Variants in MACROD2 observed in about 807,000 individuals in gnomAD.
MACROD2 encodes the protein ADP-ribose glycohydrolase MACROD2.
In MACROD2, 36 loss-of-function variants were observed where a neutral mutation model predicts 70.4. The ratio of observed to expected loss-of-function variants is 0.51; its 90% CI spans 0.39 to 0.68. The LOEUF (loss-of-function observed/expected upper bound fraction) is 0.68, where lower values mean the gene tolerates loss of function less well. MACROD2 is among the 30% of genes least tolerant of loss of function. The pLI, the probability that MACROD2 is intolerant of heterozygous loss-of-function variation, is 0.00. For synonymous variants in MACROD2, 172 were observed against 178.8 expected (o/e 0.96, Z 0.30); for missense variants, 496 against 538.4 (o/e 0.92, Z 0.78).
intron 4 of MACROD2, among the ~76,000 whole-genome samples, chr20:14,602,498 T>A (rs995255608): frequency 1.4e-4 from 21 of 152,170 alleles, no homozygotes; most frequent in Non-Finnish European, 2.5e-4. Flanking sequence ...CACTGCTATG[T>A]CCTCAGTAAC....
intron 4 of MACROD2, among the ~76,000 whole-genome samples, chr20:14,669,500 A>G (rs746542806): frequency 6.6e-6 from 1 of 152,168 alleles, no homozygotes; most frequent in African/African-American, 2.4e-5. Context: ...ATAAAATGAC[A>G]TATTTACTTC....
rs572813119 is a variant in MACROD2, at chr20:15,512,288, GC to G, written c.645+12442del. Among the ~76,000 whole-genome samples the G allele has an allele frequency of 1.6e-3, 247 of 152,348 alleles. 1 individual carries two copies. The highest frequency in any genetic ancestry group is 5.8e-3 in the African/African-American group (240 of 41,572). ...AAATATCTTTGGGAGTTGCTAGACAGCTTTTGTGGCACCCTGTAAACAGTAG... is the reference window on the plus strand; with the variant it reads ...AAATATCTTTGGGAGTTGCTAGACAGTTTTGTGGCACCCTGTAAACAGTAG... On this transcript the variant is annotated intron_variant, in intron 8 of 17. Coordinates refer to ENST00000684519, the MANE Select transcript of MACROD2 (RefSeq NM_001351661.2).
chr20:15,555,249 A>T (rs918193790), intron 8 of MACROD2, among the ~76,000 whole-genome samples: 2 of 152,172 alleles, frequency 1.3e-5, no homozygotes, highest in African/African-American at 4.8e-5. Flanking sequence ...TCTATTTCCC[A>T]ATCAGAATAA....
chr20:14,381,761 G>A (rs1200343574), intron 3 of MACROD2, among the ~76,000 whole-genome samples: 3 of 152,156 alleles, frequency 2.0e-5, no homozygotes, highest in African/African-American at 7.2e-5. Flanking sequence ...CCAACACTAA[G>A]ATTTTCTTCA....
intron 4 of MACROD2, among the ~76,000 whole-genome samples, chr20:14,521,835 T>C (rs1324554980): frequency 1.3e-5 from 2 of 152,238 alleles, no homozygotes; most frequent in Non-Finnish European, 2.9e-5. Context: ...GGAAGTCTTT[T>C]AATCAGGATT....
At position 15,570,281 on chromosome 20, in the gene MACROD2, T is replaced by G. The variant is rs183921366; in HGVS notation, c.645+70434T>G. ...GGTTTTGTGTGGTTTTAATTTGCGT[T>G]TTCTTGATGATTAGTGATGTTGAGC... On this transcript the variant is annotated intron_variant, in intron 8 of 17. Transcript: ENST00000684519. Among the ~76,000 whole-genome samples the G allele has an allele frequency of 3.3e-5, 5 of 152,290 alleles. No homozygotes were observed. In the East Asian group the frequency reaches 9.7e-4, roughly 29 times the overall value.
At chr20:15,517,971 C>T (rs779374138) in intron 8 of MACROD2, among the ~76,000 whole-genome samples, 25 of 152,230 alleles carry the variant, frequency 1.6e-4, no homozygotes, top group Admixed American at 1.1e-3. Flanking sequence ...ATTTGCATAA[C>T]GTGCAGGCAC....
At chr20:14,404,823 C>T (rs2083675627) in intron 3 of MACROD2, among the ~76,000 whole-genome samples, 1 of 151,702 alleles carries the variant, frequency 6.6e-6, no homozygotes, top group African/African-American at 2.4e-5. Context: ...CAAAATGCAA[C>T]ACTAGAAATG....
chr20:14,164,795 G>A lies in MACROD2; in HGVS notation c.271+79067G>A, dbSNP rs180697679. Reference sequence around the variant, plus strand: ...GATGAATCTTCAGGTGGGGTTTGACGCATCTGTACTACAGCCCTGCTACTG... The same window carrying A: ...GATGAATCTTCAGGTGGGGTTTGACACATCTGTACTACAGCCCTGCTACTG... On this transcript the variant is annotated intron_variant, in intron 3 of 17. Transcript: ENST00000684519. 6.7e-4 allele frequency among the ~76,000 whole-genome samples: 102 copies of A among 152,228 alleles called. 1 individual carries two copies. In the East Asian group the frequency reaches 0.019, roughly 28 times the overall value.
intron 3 of MACROD2, among the ~76,000 whole-genome samples, chr20:14,228,604 T>C (rs1215727732): frequency 6.6e-6 from 1 of 152,194 alleles, no homozygotes; most frequent in East Asian, 1.9e-4. Context: ...AGATTTTTAC[T>C]TAATGGAATA....
intron 8 of MACROD2, among the ~76,000 whole-genome samples, chr20:15,794,393 G>T (rs751688696): frequency 6.6e-6 from 1 of 152,144 alleles, no homozygotes; most frequent in Non-Finnish European, 1.5e-5. Flanking sequence ...CTAAAAATTT[G>T]AATCCCTGTC....
intron 5 of MACROD2, among the ~76,000 whole-genome samples, chr20:14,989,367 G>T (rs144577620): frequency 6.6e-6 from 1 of 152,282 alleles, no homozygotes; most frequent in Non-Finnish European, 1.5e-5. Flanking sequence ...CTCAGCTGCT[G>T]TCCAGGCTCT....
At chr20:14,907,883 A>AG (rs1270753527) in intron 5 of MACROD2, among the ~76,000 whole-genome samples, 1 of 152,140 alleles carries the variant, frequency 6.6e-6, no homozygotes, top group Non-Finnish European at 1.5e-5. Flanking sequence ...TTCCCCTTTT[A>AG]GGCATTTGTT....
chr20:15,441,230 T>C lies in MACROD2; in HGVS notation c.571+9795T>C, dbSNP rs1431236600. 5.3e-5 allele frequency among the ~76,000 whole-genome samples: 8 copies of C among 152,248 alleles called. No individual in the cohort carries two copies. In the East Asian group the frequency reaches 1.4e-3, roughly 26 times the overall value. ...GATACATACATCCCAGAAAATATGG[T>C]ACAGACTCCTCTCGTGCTCTCCATA... On this transcript the variant is annotated intron_variant, in intron 7 of 17. Transcript: ENST00000684519.
At chr20:15,030,587 T>G (rs1335677336) in intron 5 of MACROD2, among the ~76,000 whole-genome samples, 1 of 152,152 alleles carries the variant, frequency 6.6e-6, no homozygotes, top group Non-Finnish European at 1.5e-5. Context: ...GCTCAACATC[T>G]TTGCTCAGGG....
intron 9 of MACROD2, among the ~76,000 whole-genome samples, chr20:15,875,976 A>G (rs1416103066): frequency 2.2e-5 from 3 of 139,212 alleles, no homozygotes; most frequent in African/African-American, 3.0e-5. Flanking sequence ...ATAATTCTTA[A>G]GAAGGCACAG....
chr20:14,890,124 C>G (rs1443308408), intron 5 of MACROD2, among the ~76,000 whole-genome samples: 5 of 152,024 alleles, frequency 3.3e-5, no homozygotes, highest in Non-Finnish European at 5.9e-5. Context: ...GAAATGGAAG[C>G]AGGTTTTGTT....
At chr20:15,427,496 T>A (rs2046313988) in intron 6 of MACROD2, among the ~76,000 whole-genome samples, 1 of 149,844 alleles carries the variant, frequency 6.7e-6, no homozygotes, top group Non-Finnish European at 1.5e-5. Flanking sequence ...TAAGACAGAG[T>A]TTAGAATGCT....
At chr20:15,662,365 T>C (rs545503306) in intron 8 of MACROD2, among the ~76,000 whole-genome samples, 162 of 152,340 alleles carry the variant, frequency 1.1e-3, no homozygotes, top group African/African-American at 3.8e-3. Flanking sequence ...ATCCTGAGTT[T>C]CAGGCTGGGA....
Sources: gnomAD v4.1 joint callset for allele counts (sites outside exome capture counted in the v4.1 genomes callset) on GRCh38, gnomAD v4.1.1 for gene constraint, MANE v1.5 for transcripts, NCBI Gene and HGNC (gene_info 2026-07-23, HGNC 2026-07-21) for gene names.